Variants in RNF175 observed in about 807,000 individuals in gnomAD.
RNF175 encodes ring finger protein 175.
Under a neutral mutation model 50.0 loss-of-function variants are expected in RNF175, and 38 were observed. The observed-to-expected ratio is 0.76, with a 90% confidence interval of 0.59 to 1.00. The LOEUF (loss-of-function observed/expected upper bound fraction) is 1.00, where lower values mean the gene tolerates loss of function less well. Ranked by LOEUF, RNF175 falls within the 50% of genes least tolerant of loss-of-function variation. The pLI is 0.00. For missense variants in RNF175, 388 were observed against 409.6 expected (o/e 0.95, Z 0.46); for synonymous variants, 155 against 146.1 (o/e 1.06, Z -0.44).
intron 2 of RNF175, among the ~76,000 whole-genome samples, chr4:153,750,891 C>G (rs548589715): frequency 1.3e-5 from 2 of 152,260 alleles, no homozygotes; most frequent in African/African-American, 4.8e-5. Flanking sequence ...TGAGATTAAT[C>G]TATTAATCTG....
At chr4:153,715,100 C>A (rs1189072218) in intron 7 of RNF175, 4 of 229,990 alleles carry the variant, frequency 1.7e-5, no homozygotes, top group Non-Finnish European at 3.6e-5. Context: ...CTTTGTATTT[C>A]TTGATCTGCT....
chr4:153,759,855 G>C lies in RNF175; in HGVS notation c.8C>G (p.Ala3Gly). The change falls in exon 1 of 9, where the codon GCG becomes GGG. Residue 3 changes from alanine (A) to glycine (G), a missense_variant. By Grantham distance (60) the Ala-to-Gly change is moderately conservative. Transcript: ENST00000347063. MA[A>G]GTAARKAAPV... is the part of the protein sequence containing the mutation. ...CGCTGCCTTCCGCGCCGCCGTCCCC[G>C]CGGCCATGCCTGAGCCACTGTGCCT... is the stretch of plus-strand genomic sequence containing the variant. 6.9e-7 allele frequency: 1 copy of C among 1,456,490 alleles called. No homozygotes were observed. The highest frequency in any genetic ancestry group is 9.0e-7 in the Non-Finnish European group (1 of 1,111,792). The allele number at this position is 1,456,490 out of a possible 1,614,324, so 90.2% of individuals were successfully genotyped here.
rs147418276 is a variant in RNF175, at chr4:153,723,561, T to C, written c.402-103A>G. The C allele has an allele frequency of 1.6e-3, 1,004 of 631,310 alleles. 7 individuals carry two copies. In the African/African-American group the frequency reaches 0.017, roughly 11 times the overall value. 39.1% of individuals were successfully genotyped at this position (631,310 alleles called of 1,614,324 possible). On this transcript the variant is annotated intron_variant, in intron 4 of 8. Transcript: ENST00000347063. The stretch of plus-strand genomic sequence containing the variant: ...ATATTTTGTCTTTTTCAAAGACTTA[T>C]AAATCAGTTTTTAGTTTCTAAAAGT...
intron 6 of RNF175, among the ~76,000 whole-genome samples, chr4:153,719,652 G>A (rs879901972): frequency 2.0e-5 from 3 of 152,108 alleles, no homozygotes; most frequent in African/African-American, 7.2e-5. Flanking sequence ...AAAATTCTAG[G>A]TAACAGTATA....
intron 4 of RNF175, among the ~76,000 whole-genome samples, chr4:153,724,070 C>A (rs947957353): frequency 6.6e-6 from 1 of 152,144 alleles, no homozygotes; most frequent in African/African-American, 2.4e-5. Flanking sequence ...AAGGGTCCTG[C>A]GTGTACCCCA....
At chr4:153,715,242 A>G (rs1455952714) in intron 7 of RNF175, 15 of 444,222 alleles carry the variant, frequency 3.4e-5, no homozygotes, top group South Asian at 2.1e-5. Flanking sequence ...TATGACTTCA[A>G]CCAATTTCCC....
intron 5 of RNF175, among the ~76,000 whole-genome samples, chr4:153,722,890 T>C (rs1738436573): frequency 6.6e-6 from 1 of 152,206 alleles, no homozygotes; most frequent in African/African-American, 2.4e-5. Flanking sequence ...ATTCAGTATG[T>C]ATTTTACACT....
chr4:153,754,685 A>C (rs918419203), intron 1 of RNF175, among the ~76,000 whole-genome samples: 2 of 152,212 alleles, frequency 1.3e-5, no homozygotes, highest in Admixed American at 6.5e-5. Context: ...TCCAATGCCT[A>C]GTGTCCTTGC....
Position 153,728,337 on chromosome 4 carries a change from C to T in RNF175, c.271G>A (p.Val91Ile). The change falls in exon 4 of 9, where the codon GTT (valine) becomes ATT (isoleucine). Residue 91 changes from valine to isoleucine, a missense_variant. Coordinates refer to ENST00000347063, the MANE Select transcript of RNF175 (RefSeq NM_173662.4). ...YNLVTLLQMW[V>I]VPLYFTIKLY... is the part of the protein sequence containing the mutation. ...TTTATCGTGAAATATAAGGGGACAA[C>T]CCACATCTGCAACAAGGTCACCAGC... is the stretch of plus-strand genomic sequence containing the variant. 6.2e-7 allele frequency: 1 copy of T among 1,613,704 alleles called. No homozygotes were observed. The highest frequency in any genetic ancestry group is 8.5e-7 in the Non-Finnish European group (1 of 1,179,706).
chr4:153,720,202 G>A lies in RNF175; in HGVS notation c.612C>T (p.Tyr204=). 1 of 1,613,812 alleles carries A rather than the reference G, an allele frequency of 6.2e-7. No homozygotes were observed. Among genetic ancestry groups the A allele is most frequent in the Non-Finnish European group, 8.5e-7 (1 of 1,179,736 alleles). The change falls in exon 6 of 9, where the codon TAC becomes TAT. Residue 204 remains tyrosine (Y), a synonymous_variant. Coordinates refer to ENST00000347063, the MANE Select transcript of RNF175 (RefSeq NM_173662.4). ...GRDFAEICSD[Y]MASTIGFYSV... is the part of the protein sequence containing the mutation. ...CACTTACCCCTATAGTGGAAGCCAT[G>A]TAGTCTGAGCAGATCTCGGCAAAGT...
intron 6 of RNF175, 132 bp downstream of exon 6, chr4:153,720,052 G>T: frequency 1.1e-6 from 1 of 898,336 alleles, no homozygotes; most frequent in Non-Finnish European, 1.6e-6. Flanking sequence ...TGAACCAAAA[G>T]AGTTCCAAAG....
chr4:153,759,792 A>G lies in RNF175; in HGVS notation c.66+5T>C. The stretch of plus-strand genomic sequence containing the variant: ...TCCCCCACGCCCGCGCCCCCGCGCC[A>G]GTACCTGCTCCTGCTGCGGGGGGGC... On this transcript the variant is annotated splice_donor_5th_base_variant and intron_variant, in intron 1 of 8. Transcript: ENST00000347063. 6.8e-7 allele frequency: 1 copy of G among 1,479,222 alleles called. No individual in the cohort carries two copies. The highest frequency in any genetic ancestry group is 1.3e-5 in the South Asian group (1 of 78,046). The allele number at this position is 1,479,222 out of a possible 1,614,324, so 91.6% of individuals were successfully genotyped here. A position where few individuals can be genotyped will look rare whatever the true frequency, so the allele number is the denominator to read the frequency against.
At chr4:153,718,218 G>GTTTTTTTTTTT (rs1560770428) in intron 6 of RNF175, among the ~76,000 whole-genome samples, 3 of 28,692 alleles carry the variant, frequency 1.0e-4, no homozygotes, top group Admixed American at 3.9e-4. Context: ...AGTTTTTTTT[G>GTTTTTTTTTTT]TTTGTTTGTT....
chr4:153,756,368 G>C (rs1740563584), intron 1 of RNF175, among the ~76,000 whole-genome samples: 1 of 152,116 alleles, frequency 6.6e-6, no homozygotes, highest in Admixed American at 6.5e-5. Flanking sequence ...CTGCCCTAAA[G>C]TGAACATACT....
At chr4:153,755,548 A>G (rs1224452200) in intron 1 of RNF175, among the ~76,000 whole-genome samples, 2 of 149,752 alleles carry the variant, frequency 1.3e-5, no homozygotes, top group Non-Finnish European at 3.0e-5. Context: ...AGAATCGAAG[A>G]TAAATTGAAG....
intron 1 of RNF175, among the ~76,000 whole-genome samples, chr4:153,756,586 T>C (rs900202078): frequency 6.6e-6 from 1 of 152,160 alleles, no homozygotes; most frequent in Non-Finnish European, 1.5e-5. Flanking sequence ...TCCACCCCTA[T>C]GGCTTCTATG....
intron 1 of RNF175, among the ~76,000 whole-genome samples, chr4:153,756,128 A>G (rs1273017240): frequency 1.3e-5 from 2 of 152,204 alleles, no homozygotes; most frequent in Admixed American, 6.5e-5. Flanking sequence ...ACATGAACAT[A>G]TGTCACTGAA....
At chr4:153,749,347 C>T (rs903683931) in intron 2 of RNF175, among the ~76,000 whole-genome samples, 1 of 152,170 alleles carries the variant, frequency 6.6e-6, no homozygotes, top group Non-Finnish European at 1.5e-5. Context: ...TTTTGAAAGT[C>T]AAAAACAGTC....
intron 5 of RNF175, among the ~76,000 whole-genome samples, chr4:153,722,169 G>A (rs1286579929): frequency 1.3e-5 from 2 of 152,160 alleles, no homozygotes; most frequent in African/African-American, 2.4e-5. Context: ...TTCCATAGCT[G>A]TGTGGTATGT....
Sources: allele counts gnomAD v4.1 joint callset (sites outside exome capture counted in the v4.1 genomes callset), GRCh38; gene constraint gnomAD v4.1.1; transcripts MANE v1.5; gene names NCBI Gene and HGNC (gene_info 2026-07-23, HGNC 2026-07-21).